The following VGLL4 variants were observed in gnomAD, a reference collection of about 807,000 sequenced individuals.
VGLL4 encodes the protein vestigial like family member 4.
In VGLL4, 7 loss-of-function variants were observed where a neutral mutation model predicts 21.0. That is an observed-to-expected ratio of 0.33 (90% CI 0.19 to 0.63). The LOEUF (loss-of-function observed/expected upper bound fraction) is 0.63, where lower values mean the gene tolerates loss of function less well. VGLL4 is among the 20% of genes least tolerant of loss of function. The pLI, the probability that VGLL4 is intolerant of heterozygous loss-of-function variation, is 0.78. For synonymous variants in VGLL4, 222 were observed against 173.2 expected (o/e 1.28, Z -2.21); for missense variants, 394 against 425.7 (o/e 0.93, Z 0.66).
intron 1 of VGLL4, among the ~76,000 whole-genome samples, chr3:11,615,983 G>A (rs1000231249): frequency 2.0e-5 from 3 of 152,096 alleles, no homozygotes; most frequent in Non-Finnish European, 4.4e-5. Flanking sequence ...TCACCCCTGG[G>A]GCTGAAAGGA....
In VGLL4 at chr3:11,643,474, G is replaced by A. The variant is rs1300010432; in HGVS notation, c.45C>T (p.Asp15=). 3 of 1,613,980 alleles carry A rather than the reference G, an allele frequency of 1.9e-6. No individual in the cohort carries two copies. Among genetic ancestry groups the A allele is most frequent in the South Asian group, 1.1e-5 (1 of 91,076 alleles). The change falls in exon 1 of 5, where the codon GAC becomes GAT. Residue 15 remains aspartate, a synonymous_variant. Coordinates refer to ENST00000430365, the MANE Select transcript of VGLL4 (RefSeq NM_001128219.3). The part of the protein sequence containing the change: ...KMDLLNYQYL[D]KMNNNIGILC... ...GAATGCCGATATTGTTGTTCATCTT[G>A]TCCAAGTACTGATAGTTCAACAGGT...
chr3:11,571,481 C>G (rs1256342671), intron 2 of VGLL4, among the ~76,000 whole-genome samples: 2 of 151,924 alleles, frequency 1.3e-5, no homozygotes, highest in Non-Finnish European at 2.9e-5. Context: ...CCCAGGAGTT[C>G]GAGACCAGCC....
chr3:11,582,275 T>C lies in VGLL4; in HGVS notation c.273-17256A>G, dbSNP rs562059042. 8.7e-6 allele frequency: 14 copies of C among 1,606,166 alleles called. No individual in the cohort carries two copies. In the African/African-American group the frequency reaches 1.7e-4, roughly 20 times the overall value. On this transcript the variant is annotated intron_variant, in intron 2 of 4. Coordinates refer to ENST00000430365, the MANE Select transcript of VGLL4 (RefSeq NM_001128219.3). ...ATAAGGGAATAAAATGAAAGGGTTC[T>C]TGGTACTAACCTCACTTTAATCATT...
intron 2 of VGLL4, among the ~76,000 whole-genome samples, chr3:11,651,563 A>G (rs775609245): frequency 6.6e-6 from 1 of 151,310 alleles, no homozygotes; most frequent in African/African-American, 2.4e-5. Context: ...GGTTTATTCT[A>G]TACTTCATTC....
chr3:11,582,367 AGCAGTCTCAG>A, intron 2 of VGLL4: 1 of 1,568,982 alleles, frequency 6.4e-7, no homozygotes, highest in Non-Finnish European at 8.6e-7. Flanking sequence ...AAACTTGGCA[AGCAGTCTCAG>A]GCACAAAACT....
intron 2 of VGLL4, among the ~76,000 whole-genome samples, chr3:11,673,988 G>A (rs1011578259): frequency 2.0e-5 from 3 of 147,274 alleles, no homozygotes; most frequent in Non-Finnish European, 4.5e-5. Flanking sequence ...CTCCAGCCTG[G>A]GTGACAGAGC....
intron 2 of VGLL4, among the ~76,000 whole-genome samples, chr3:11,695,782 T>C (rs990729454): frequency 5.9e-5 from 9 of 152,068 alleles, no homozygotes; most frequent in Non-Finnish European, 1.2e-4. Context: ...GCCACTCTTA[T>C]GGATGAAAAT....
chr3:11,605,807 T>G (rs184560471), intron 1 of VGLL4, among the ~76,000 whole-genome samples: 1 of 152,294 alleles, frequency 6.6e-6, no homozygotes, highest in Admixed American at 6.5e-5. Flanking sequence ...AGCTTTAGGA[T>G]ATGTTAAAGA....
intron 3 of VGLL4, among the ~76,000 whole-genome samples, chr3:11,563,370 C>G (rs1392238398): frequency 6.6e-6 from 1 of 152,230 alleles, no homozygotes; most frequent in Admixed American, 6.5e-5. Flanking sequence ...CTTCCCAAAG[C>G]AGAAAGGTCC....
intron 1 of VGLL4, among the ~76,000 whole-genome samples, chr3:11,613,449 G>T (rs1274070906): frequency 6.6e-6 from 1 of 152,134 alleles, no homozygotes; most frequent in African/African-American, 2.4e-5. Flanking sequence ...CTGATCTCCC[G>T]TAACACTCCG....
chr3:11,649,717 A>T (rs750778918), intron 2 of VGLL4, among the ~76,000 whole-genome samples: 1 of 152,162 alleles, frequency 6.6e-6, no homozygotes, highest in Non-Finnish European at 1.5e-5. Context: ...ATTGACAGAG[A>T]CAGCTCTACA....
intron 2 of VGLL4, among the ~76,000 whole-genome samples, chr3:11,681,857 G>A (rs983839848): frequency 2.0e-5 from 3 of 152,184 alleles, no homozygotes; most frequent in Admixed American, 1.3e-4. Context: ...CACAGGTCCT[G>A]AAACAGGGCG....
chr3:11,584,427 T>G (rs1352910083), intron 2 of VGLL4, among the ~76,000 whole-genome samples: 1 of 151,878 alleles, frequency 6.6e-6, no homozygotes, highest in African/African-American at 2.4e-5. Flanking sequence ...ATGGTAGCAG[T>G]CACCTGTGGG....
chr3:11,656,344 T>G (rs2075958294), intron 2 of VGLL4, among the ~76,000 whole-genome samples: 1 of 152,200 alleles, frequency 6.6e-6, no homozygotes, highest in Non-Finnish European at 1.5e-5. Flanking sequence ...ATATGAGTGG[T>G]TCTCTCCAGA....
chr3:11,562,011 T>C (rs922276749), intron 3 of VGLL4, among the ~76,000 whole-genome samples: 6 of 151,094 alleles, frequency 4.0e-5, no homozygotes, highest in African/African-American at 1.5e-4. Flanking sequence ...GCGATTCTCC[T>C]GTCAGCCTCC....
At chr3:11,691,942 G>A (rs1168838742) in intron 2 of VGLL4, among the ~76,000 whole-genome samples, 1 of 149,572 alleles carries the variant, frequency 6.7e-6, no homozygotes, top group Non-Finnish European at 1.5e-5. Context: ...CTCTCAAAGT[G>A]GAGAGAGAAG....
chr3:11,558,225 T>C lies in VGLL4; in HGVS notation c.*331A>G, dbSNP rs753687381. ...TCTGAGTCACCAATTCATCATGGCT[T>C]GTGACTGAGAAAGCGCTGTGGAGTC... is the stretch of plus-strand genomic sequence containing the variant. On this transcript the variant is annotated 3_prime_UTR_variant, in exon 5 of 5. Coordinates refer to ENST00000430365, the MANE Select transcript of VGLL4 (RefSeq NM_001128219.3). 14 of 392,994 alleles carry C rather than the reference T, an allele frequency of 3.6e-5. No individual in the cohort carries two copies. Among genetic ancestry groups the C allele is most frequent in the Non-Finnish European group, 6.0e-5 (13 of 217,458 alleles). The allele number at this position is 392,994 out of a possible 1,614,324, so 24.3% of individuals were successfully genotyped here.
intron 2 of VGLL4, among the ~76,000 whole-genome samples, chr3:11,661,141 G>C (rs2076031036): frequency 6.6e-6 from 1 of 152,142 alleles, no homozygotes; most frequent in Non-Finnish European, 1.5e-5. Flanking sequence ...TCAGGATGGA[G>C]GGCTGGAAAG....
At chr3:11,563,948 G>T (rs2073275598) in intron 3 of VGLL4, among the ~76,000 whole-genome samples, 2 of 152,294 alleles carry the variant, frequency 1.3e-5, no homozygotes, top group South Asian at 4.1e-4. Flanking sequence ...GTGCCACTTG[G>T]AGGGAAGCCC....
Sources: allele counts gnomAD v4.1 joint callset (sites outside exome capture counted in the v4.1 genomes callset), GRCh38; gene constraint gnomAD v4.1.1; transcripts MANE v1.5; gene names NCBI Gene and HGNC (gene_info 2026-07-23, HGNC 2026-07-21).